The following SLC7A8 variants were observed in gnomAD, a reference collection of about 807,000 sequenced individuals.
SLC7A8 encodes solute carrier family 7 member 8, also known as large neutral amino acids transporter small subunit 2.
Under a neutral mutation model 51.2 loss-of-function variants are expected in SLC7A8, and 30 were observed. That is an observed-to-expected ratio of 0.59 (90% confidence interval 0.44 to 0.80). The LOEUF (loss-of-function observed/expected upper bound fraction) is 0.80, where lower values mean the gene tolerates loss of function less well. Among genes scored for constraint, SLC7A8 ranks in the 30% least tolerant of loss-of-function variants. SLC7A8 has a pLI of 0.00. For missense variants in SLC7A8, 612 were observed against 674.4 expected, an observed-to-expected ratio of 0.91 and a Z score of 1.03; for synonymous variants, 257 against 275.8, an observed-to-expected ratio of 0.93 and a Z score of 0.67.
intron 3 of SLC7A8, chr14:23,155,421 G>T (rs989100265): frequency 4.8e-5 from 69 of 1,441,284 alleles, no homozygotes; most frequent in Non-Finnish European, 6.3e-5. Flanking sequence ...TAGCTCCTGC[G>T]CCAGCTGCTG....
chr14:23,170,305 G>C (rs1229849193), intron 1 of SLC7A8, among the ~76,000 whole-genome samples: 1 of 152,174 alleles, frequency 6.6e-6, no homozygotes, highest in Non-Finnish European at 1.5e-5. Flanking sequence ...CTGCACAACA[G>C]ACACTTTTCC....
At chr14:23,175,913 G>T (rs768573778) in intron 1 of SLC7A8, among the ~76,000 whole-genome samples, 1 of 152,072 alleles carries the variant, frequency 6.6e-6, no homozygotes, top group African/African-American at 2.4e-5. Flanking sequence ...TGGGCATATA[G>T]CCTTTCCCTA....
intron 1 of SLC7A8, among the ~76,000 whole-genome samples, chr14:23,175,759 G>A (rs780109044): frequency 2.6e-5 from 4 of 152,102 alleles, no homozygotes; most frequent in Non-Finnish European, 5.9e-5. Context: ...CCCTGGTCCC[G>A]GCCACCTTGC....
intron 3 of SLC7A8, chr14:23,154,452 C>T: frequency 1.0e-6 from 1 of 987,434 alleles, no homozygotes; most frequent in African/African-American, 1.7e-5. Context: ...TGTGGCTACG[C>T]TCGGCTCTGT....
Position 23,126,132 on chromosome 14 carries a change from C to T in SLC7A8, c.*1045G>A, listed in dbSNP as rs777481841. On this transcript the variant is annotated 3_prime_UTR_variant, in exon 11 of 11. Coordinates refer to ENST00000316902, the MANE Select transcript of SLC7A8 (RefSeq NM_012244.4). ...GGAAGGCATTTAATATCAGATCCGTCCTGAGGGTTAGAAATAGGGGAGTAT... is the reference window on the plus strand; with the variant it reads ...GGAAGGCATTTAATATCAGATCCGTTCTGAGGGTTAGAAATAGGGGAGTAT... 1 of 152,826 alleles carries T rather than the reference C, an allele frequency of 6.5e-6. No homozygotes were observed. Among genetic ancestry groups the T allele is most frequent in the Non-Finnish European group, 1.5e-5 (1 of 68,204 alleles). 9.5% of individuals were successfully genotyped at this position (152,826 alleles called of 1,614,324 possible). A position where few individuals can be genotyped will look rare whatever the true frequency, so the allele number is the denominator to read the frequency against.
chr14:23,178,629 G>T (rs1184562885), intron 1 of SLC7A8, among the ~76,000 whole-genome samples: 1 of 151,404 alleles, frequency 6.6e-6, no homozygotes, highest in African/African-American at 2.4e-5. Context: ...AAGAGGCAAG[G>T]TTTTGTTGGG....
At chr14:23,127,952 C>T (rs2048593915) in intron 10 of SLC7A8, 67 bp downstream of exon 10, 1 of 1,465,292 alleles carries the variant, frequency 6.8e-7, no homozygotes, top group Non-Finnish European at 9.4e-7. Flanking sequence ...GCTCCCCAAC[C>T]CCATCACTGA....
intron 1 of SLC7A8, among the ~76,000 whole-genome samples, chr14:23,175,917 T>G (rs375389104): frequency 6.6e-6 from 1 of 152,334 alleles, no homozygotes; most frequent in South Asian, 2.1e-4. Flanking sequence ...CATATAGCCT[T>G]TCCCTACTCA....
intron 1 of SLC7A8, among the ~76,000 whole-genome samples, chr14:23,175,957 T>C (rs2048997186): frequency 6.6e-6 from 1 of 152,238 alleles, no homozygotes; most frequent in East Asian, 1.9e-4. Context: ...AAATACCTCC[T>C]AGCTGGCTTC....
At chr14:23,144,293 T>G (rs570264309) in intron 3 of SLC7A8, among the ~76,000 whole-genome samples, 46 of 152,166 alleles carry the variant, frequency 3.0e-4, no homozygotes, top group South Asian at 2.9e-3. Flanking sequence ...TCAGAGTTCC[T>G]GTTGCTCTGT....
At chr14:23,134,405 C>T (rs1183723105) in intron 7 of SLC7A8, among the ~76,000 whole-genome samples, 1 of 123,972 alleles carries the variant, frequency 8.1e-6, no homozygotes, top group African/African-American at 3.2e-5. Flanking sequence ...CCACTGCACT[C>T]CAGCCTGGGT....
chr14:23,176,262 C>A (rs1289790544), intron 1 of SLC7A8, among the ~76,000 whole-genome samples: 1 of 152,174 alleles, frequency 6.6e-6, no homozygotes, highest in African/African-American at 2.4e-5. Flanking sequence ...CAGTCCAGAG[C>A]CATTTCAGTA....
chr14:23,132,074 G>A (rs558138803), intron 7 of SLC7A8, among the ~76,000 whole-genome samples: 11 of 144,616 alleles, frequency 7.6e-5, no homozygotes, highest in Admixed American at 7.3e-4. Flanking sequence ...CTGCAATCTC[G>A]GCTCACTGCA....
chr14:23,137,812 C>T (rs375988211), intron 7 of SLC7A8, 109 bp downstream of exon 7: 10 of 1,389,666 alleles, frequency 7.2e-6, no homozygotes, highest in East Asian at 2.3e-5. Context: ...AGCCCAACAT[C>T]CAGATGCCCA....
chr14:23,126,051 C>G lies in SLC7A8; in HGVS notation c.*1126G>C, dbSNP rs1294328562. ...GGCTTCAGCCAATGCTCTCCTCAGT[C>G]TCCCAGGGTATGGAATGGGCACCTC... On this transcript the variant is annotated 3_prime_UTR_variant, in exon 11 of 11. Transcript: ENST00000316902. 6.5e-6 allele frequency: 1 copy of G among 152,870 alleles called. No individual in the cohort carries two copies. The highest frequency in any genetic ancestry group is 2.1e-4 in the South Asian group (1 of 4,836). The allele number at this position is 152,870 out of a possible 1,614,324, so 9.5% of individuals were successfully genotyped here.
At chr14:23,178,746 T>G (rs1181666411) in intron 1 of SLC7A8, among the ~76,000 whole-genome samples, 2 of 149,930 alleles carry the variant, frequency 1.3e-5, no homozygotes, top group East Asian at 3.9e-4. Flanking sequence ...AGACCCTGTC[T>G]CTAAAAAAAA....
At chr14:23,179,702 A>G (rs1877078511) in intron 1 of SLC7A8, among the ~76,000 whole-genome samples, 1 of 151,932 alleles carries the variant, frequency 6.6e-6, no homozygotes. Context: ...ACAGCTACTG[A>G]GGAAGCTGAG....
chr14:23,150,170 T>C (rs2048833808), intron 3 of SLC7A8, among the ~76,000 whole-genome samples: 1 of 152,182 alleles, frequency 6.6e-6, no homozygotes, highest in Non-Finnish European at 1.5e-5. Context: ...AAATAAATCT[T>C]CATTTAGAAG....
chr14:23,165,165 C>G lies in SLC7A8; in HGVS notation c.508+120G>C. 9.4e-7 allele frequency: 1 copy of G among 1,058,216 alleles called. No homozygotes were observed. Among genetic ancestry groups the G allele is most frequent in the Non-Finnish European group, 1.3e-6 (1 of 782,222 alleles). The allele number at this position is 1,058,216 out of a possible 1,614,324, so 65.6% of individuals were successfully genotyped here. A position where few individuals can be genotyped will look rare whatever the true frequency, so the allele number is the denominator to read the frequency against. On this transcript the variant is annotated intron_variant, in intron 3 of 10. Coordinates refer to ENST00000316902, the MANE Select transcript of SLC7A8 (RefSeq NM_012244.4). The surrounding 1 kb of genome is among the most constrained non-coding windows in gnomAD (Gnocchi z 4.2). ...CCCAGGAGTTCAAGGCTGCAGTGAG[C>G]TATGATCATGCGGCTGCGCTCCAGC...
Sources: allele counts gnomAD v4.1 joint callset (sites outside exome capture counted in the v4.1 genomes callset), GRCh38; gene constraint gnomAD v4.1.1; non-coding constraint Gnocchi (gnomAD v3.1); transcripts MANE v1.5; gene names NCBI Gene and HGNC (gene_info 2026-07-23, HGNC 2026-07-21).